The following SIX5 variants were observed in gnomAD, a reference collection of about 807,000 sequenced individuals.
SIX5 encodes SIX homeobox 5.
SIX5 carries 21 observed loss-of-function variants against 37.1 expected under a neutral mutation model. The ratio of observed to expected loss-of-function variants is 0.57; its 90% CI spans 0.40 to 0.81. The LOEUF is 0.81. Ranked by LOEUF, SIX5 falls within the 40% of genes least tolerant of loss-of-function variation. The pLI is 0.00. For missense variants in SIX5, 1,137 were observed against 1,025.1 expected (o/e 1.11, Z -1.49); for synonymous variants, 626 against 505.9 (o/e 1.24, Z -3.19).
rs1011651283 is a variant in SIX5 at position 45,765,437 on chromosome 19, C to A, written c.*64G>T. ...AGCAACCGCATTTCTGGGGCTCCCC[C>A]CTCCCATTCCTGTCCCTGCGTCTTC... is the stretch of plus-strand genomic sequence containing the variant. On this transcript the variant is annotated 3_prime_UTR_variant, in exon 3 of 3. Coordinates refer to ENST00000317578, the MANE Select transcript of SIX5 (RefSeq NM_175875.5). The A allele has an allele frequency of 3.7e-6, 6 of 1,609,582 alleles. No individual in the cohort carries two copies. Among genetic ancestry groups the A allele is most frequent in the Admixed American group, 1.7e-5 (1 of 60,020 alleles).
chr19:45,765,312 G>T lies in SIX5; in HGVS notation c.*189C>A. 1 of 776,428 alleles carries T rather than the reference G, an allele frequency of 1.3e-6. No homozygotes were observed. The highest frequency in any genetic ancestry group is 2.2e-6 in the Non-Finnish European group (1 of 451,182). The allele number at this position is 776,428 out of a possible 1,614,324, so 48.1% of individuals were successfully genotyped here. On this transcript the variant is annotated 3_prime_UTR_variant, in exon 3 of 3. Coordinates refer to ENST00000317578, the MANE Select transcript of SIX5 (RefSeq NM_175875.5). ...CAGAGAGGCCTCCCATCCAAAGGGG[G>T]ATGGAGACCTGGACAGGAGGTGGCC... is the stretch of plus-strand genomic sequence containing the variant.
At position 45,769,148 on chromosome 19, in the gene SIX5, A is replaced by C; in HGVS notation, c.-304T>G. On this transcript the variant is annotated 5_prime_UTR_variant, in exon 1 of 3. The change abolishes an upstream ATG in the 5' untranslated region. Transcript: ENST00000317578. ...TCTGGCTCAGGGCCTCAGTTTCCCC[A>C]TCGGGACAACGCAGAAGGTAACGGG... 52 of 407,852 alleles carry C rather than the reference A, an allele frequency of 1.3e-4. No homozygotes were observed. Among genetic ancestry groups the C allele is most frequent in the East Asian group, 2.4e-4 (5 of 21,026 alleles). 25.3% of individuals were successfully genotyped at this position (407,852 alleles called of 1,614,324 possible). A position where few individuals can be genotyped will look rare whatever the true frequency, so the allele number is the denominator to read the frequency against.
chr19:45,766,956 C>T lies in SIX5; in HGVS notation c.1003G>A (p.Ala335Thr). 2.5e-6 allele frequency: 4 copies of T among 1,586,048 alleles called. No individual in the cohort carries two copies. The highest frequency in any genetic ancestry group is 3.4e-6 in the Non-Finnish European group (4 of 1,168,508). ...ACGGGGCCCCCGTTGAGGAGCACTGCTGGGGAGCCGCTGGCTGCCAGGAAG... is the reference window on the plus strand; with the variant it reads ...ACGGGGCCCCCGTTGAGGAGCACTGTTGGGGAGCCGCTGGCTGCCAGGAAG... ...GSFLAASGSP[A>T]VLLNGGPVII... is the part of the protein sequence containing the mutation. The change falls in exon 2 of 3, where the codon GCA (alanine) becomes ACA (threonine). Residue 335 changes from alanine to threonine, a missense_variant. Transcript: ENST00000317578.
rs577532522 is a variant in SIX5, at chr19:45,768,952, C to A, written c.-108G>T. The stretch of plus-strand genomic sequence containing the variant: ...TTTCGCCCCCACTCCCCGCTCTTCT[C>A]GATCTTCTTTCTGGCCGACCCTGCG... On this transcript the variant is annotated 5_prime_UTR_variant, in exon 1 of 3. Transcript: ENST00000317578. The A allele has an allele frequency of 8.2e-4, 896 of 1,088,218 alleles. 8 individuals are homozygous for A. In the African/African-American group the frequency reaches 0.011, roughly 14 times the overall value. 67.4% of individuals were successfully genotyped at this position (1,088,218 alleles called of 1,614,324 possible). A position where few individuals can be genotyped will look rare whatever the true frequency, so the allele number is the denominator to read the frequency against.
In SIX5 at chr19:45,766,386, C is replaced by A. The variant is rs756098782; in HGVS notation, c.1573G>T (p.Val525Leu). The change falls in exon 2 of 3, where the codon GTG becomes TTG. Residue 525 changes from valine (V) to leucine (L), a missense_variant. Coordinates refer to ENST00000317578, the MANE Select transcript of SIX5 (RefSeq NM_175875.5). ...GCCGAAGGCAGCTGCAGGGCAGTCA[C>A]GCCCACCCCGGAGTTGATGAGGTGC... ...NVHLINSGVG[V>L]TALQLPSATA... is the part of the protein sequence containing the mutation. 1.9e-6 allele frequency: 3 copies of A among 1,590,042 alleles called. No individual in the cohort carries two copies. The highest frequency in any genetic ancestry group is 1.7e-5 in the Admixed American group (1 of 57,230).
chr19:45,767,451 G>A (rs1969101556), intron 1 of SIX5, among the ~76,000 whole-genome samples: 1 of 152,216 alleles, frequency 6.6e-6, no homozygotes. Flanking sequence ...GCGGAAAGCG[G>A]GCGAGTGGCC....
Position 45,769,063 on chromosome 19 carries a change from T to G in SIX5, c.-219A>C, listed in dbSNP as rs1180467530. ...CCGTCCCCCTCCCGTCTGTCTGTGA[T>G]TCTCCCTTTGTTTTCCCTCCGCCTC... On this transcript the variant is annotated 5_prime_UTR_variant, in exon 1 of 3. Coordinates refer to ENST00000317578, the MANE Select transcript of SIX5 (RefSeq NM_175875.5). 5.8e-6 allele frequency: 3 copies of G among 513,604 alleles called. No homozygotes were observed. Among genetic ancestry groups the G allele is most frequent in the Non-Finnish European group, 1.0e-5 (3 of 290,148 alleles). The allele number at this position is 513,604 out of a possible 1,614,324, so 31.8% of individuals were successfully genotyped here.
At chr19:45,767,183 G>A in intron 1 of SIX5, 28 bp from the exon 2 acceptor site, 1 of 1,605,072 alleles carries the variant, frequency 6.2e-7, no homozygotes, top group Non-Finnish European at 8.5e-7. Flanking sequence ...TGTCAGCTGG[G>A]GTCCCTTAGC....
rs750047052 is a variant in SIX5, at chr19:45,766,063, C to T, written c.1658G>A (p.Gly553Asp). ...NPVSGSPIVT[G>D]VALQQGKIIL... ...GATCTTGCCCTGCTGCAGGGCCACA[C>T]CCGTCACGATGGGGCTGCCAGACAC... The change falls in exon 3 of 3, where the codon GGT (glycine) becomes GAT (aspartate). Residue 553 changes from glycine (G) to aspartate (D), a missense_variant. Physicochemically the swap from Gly to Asp is moderately conservative, Grantham distance 94 (BLOSUM62 -1). Transcript: ENST00000317578. 5.0e-6 allele frequency: 8 copies of T among 1,611,848 alleles called. No individual in the cohort carries two copies. The African/African-American group carries it at 8.0e-5, about 16-fold the overall frequency.
rs779368770 is a variant in SIX5, at chr19:45,766,917, G to A, written c.1042C>T (p.Leu348=). The A allele has an allele frequency of 9.1e-5, 142 of 1,560,186 alleles. No homozygotes were observed. The Admixed American group carries it at 2.6e-3, about 29-fold the overall frequency. The change falls in exon 2 of 3, where the codon CTG becomes TTG. Residue 348 remains leucine (L), a synonymous_variant. Transcript: ENST00000317578. ...LNGGPVIING[L]ALGEASSLGP... is the part of the protein sequence containing the mutation. ...AGGCTGGAGGCCTCGCCCAGGGCCA[G>A]GCCGTTGATGATGACGGGGCCCCCG... is the stretch of plus-strand genomic sequence containing the variant.
Position 45,766,487 on chromosome 19 carries a change from A to C in SIX5, c.1472T>G (p.Val491Gly). ...TSQVVTLPQA[V>G]GPLQLLAAGP... The stretch of plus-strand genomic sequence containing the variant: ...GGCTGCCAACAGCTGCAGGGGCCCC[A>C]CAGCCTGGGGCAGGGTCACCACCTG... Residue 491 changes from valine (V) to glycine (G), a missense_variant, in exon 2 of 3, where the codon GTG (valine) becomes GGG (glycine). By Grantham distance (109) the Val-to-Gly change is moderately radical (BLOSUM62 -3). Transcript: ENST00000317578. 1 of 1,520,688 alleles carries C rather than the reference A, an allele frequency of 6.6e-7. No homozygotes were observed. Among genetic ancestry groups the C allele is most frequent in the Non-Finnish European group, 8.9e-7 (1 of 1,128,908 alleles). The allele number at this position is 1,520,688 out of a possible 1,614,324, so 94.2% of individuals were successfully genotyped here.
In SIX5 at chr19:45,766,056, G is replaced by A. The variant is rs761587643; in HGVS notation, c.1665C>T (p.Ala555=). 3.7e-6 allele frequency: 6 copies of A among 1,611,740 alleles called. No individual in the cohort carries two copies. In the Admixed American group the frequency reaches 5.0e-5, roughly 13 times the overall value. Residue 555 remains alanine, a synonymous_variant, in exon 3 of 3, where the codon GCC becomes GCT. Transcript: ENST00000317578. ...TGAGGATGATCTTGCCCTGCTGCAGGGCCACACCCGTCACGATGGGGCTGC... is the reference window on the plus strand; with the variant it reads ...TGAGGATGATCTTGCCCTGCTGCAGAGCCACACCCGTCACGATGGGGCTGC... ...VSGSPIVTGV[A]LQQGKIILTA... is the part of the protein sequence containing the mutation.
intron 1 of SIX5, chr19:45,767,683 G>A: frequency 2.8e-6 from 1 of 363,218 alleles, no homozygotes; most frequent in Non-Finnish European, 5.0e-6. Flanking sequence ...AACGGTCAGT[G>A]AAGAAAGGGG....
chr19:45,766,272 G>A (rs1228967485), intron 2 of SIX5, 78 bp downstream of exon 2: 3 of 1,504,118 alleles, frequency 2.0e-6, no homozygotes, highest in South Asian at 1.2e-5. Context: ...AGGAGCCCAG[G>A]GACAGCCCCT....
At position 45,767,072 on chromosome 19, in the gene SIX5, G is replaced by T. The variant is rs1391029490; in HGVS notation, c.887C>A (p.Ala296Asp). The T allele has an allele frequency of 6.2e-7, 1 of 1,608,966 alleles. No individual in the cohort carries two copies. ...DLERGAAPVSAEAAAQGSIFL... is the reference protein window; with the variant it reads ...DLERGAAPVSDEAAAQGSIFL... ...TATGGAGCCCTGGGCAGCGGCCTCGGCGGACACTGGGGCCGCCCCTCTCTC... is the reference window on the plus strand; with the variant it reads ...TATGGAGCCCTGGGCAGCGGCCTCGTCGGACACTGGGGCCGCCCCTCTCTC... The change falls in exon 2 of 3, where the codon GCC becomes GAC. Residue 296 changes from alanine (A) to aspartate (D), a missense_variant. Ala to Asp is a moderately radical substitution (Grantham distance 126). This residue lies in a region of SIX5 where 787 missense variants were observed against 621.4 expected (regional missense o/e 1.27). Transcript: ENST00000317578.
rs1367725727 is a variant in SIX5, at chr19:45,765,090, TGAC to T, written c.*408_*410del. 2.0e-5 allele frequency: 5 copies of T among 250,740 alleles called. No homozygotes were observed. In the East Asian group the frequency reaches 4.5e-4, roughly 23 times the overall value. 15.5% of individuals were successfully genotyped at this position (250,740 alleles called of 1,614,324 possible). ...TCCACCTTCGGATTCCAGGCAGTTG[TGAC>T]AACACCAGCTATCGGCAGAGCTATT... On this transcript the variant is annotated 3_prime_UTR_variant, in exon 3 of 3. Transcript: ENST00000317578.
chr19:45,765,496 C>T lies in SIX5; in HGVS notation c.*5G>A, dbSNP rs779940276. The T allele has an allele frequency of 2.5e-6, 4 of 1,613,208 alleles. No individual in the cohort carries two copies. The highest frequency in any genetic ancestry group is 2.2e-5 in the South Asian group (2 of 91,086). ...TGTCGGGAGAGGCCACGGGGCCACA[C>T]TGGGTCACAGTTCCAAGGGCTCCTC... On this transcript the variant is annotated 3_prime_UTR_variant, in exon 3 of 3. Coordinates refer to ENST00000317578, the MANE Select transcript of SIX5 (RefSeq NM_175875.5).
Position 45,768,863 on chromosome 19 carries a change from G to GTTCC in SIX5, c.-23_-20dup. 1 of 1,530,056 alleles carries GTTCC rather than the reference G, an allele frequency of 6.5e-7. No individual in the cohort carries two copies. Among genetic ancestry groups the GTTCC allele is most frequent in the Non-Finnish European group, 8.7e-7 (1 of 1,144,354 alleles). 94.8% of individuals were successfully genotyped at this position (1,530,056 alleles called of 1,614,324 possible). A position where few individuals can be genotyped will look rare whatever the true frequency, so the allele number is the denominator to read the frequency against. ...TAGCCATGTTTTGCAACTTTGGGAAGTTCCTCCCTCCCTCTCTTCCTCCCT... is the reference window on the plus strand; with the variant it reads ...TAGCCATGTTTTGCAACTTTGGGAAGTTCCTTCCTCCCTCCCTCTCTTCCTCCCT... On this transcript the variant is annotated 5_prime_UTR_variant, in exon 1 of 3. Transcript: ENST00000317578.
Position 45,768,563 on chromosome 19 carries a change from G to T in SIX5, c.282C>A (p.Val94=). 7.3e-7 allele frequency: 1 copy of T among 1,379,288 alleles called. No individual in the cohort carries two copies. Among genetic ancestry groups the T allele is most frequent in the Non-Finnish European group, 9.3e-7 (1 of 1,075,720 alleles). 85.4% of individuals were successfully genotyped at this position (1,379,288 alleles called of 1,614,324 possible). A position where few individuals can be genotyped will look rare whatever the true frequency, so the allele number is the denominator to read the frequency against. The change falls in exon 1 of 3, where the codon GTC becomes GTA. Residue 94 remains valine, a synonymous_variant. Transcript: ENST00000317578. ...LRFSPEQVAC[V]CEALLQAGHA... Reference sequence around the variant, plus strand: ...GGCCCGCCTGGAGCAGCGCCTCGCAGACGCACGCCACCTGCTCGGGCGAGA... The same window carrying T: ...GGCCCGCCTGGAGCAGCGCCTCGCATACGCACGCCACCTGCTCGGGCGAGA...
Sources: allele counts gnomAD v4.1 joint callset (sites outside exome capture counted in the v4.1 genomes callset), GRCh38; gene constraint gnomAD v4.1.1; regional missense constraint gnomAD v4.1.1; transcripts MANE v1.5; gene names NCBI Gene and HGNC (gene_info 2026-07-23, HGNC 2026-07-21).